SLC22A31: variants seen among roughly 807,000 people sequenced by gnomAD.
SLC22A31 encodes the protein solute carrier family 22 member 31.
Under a neutral mutation model 27.4 loss-of-function variants are expected in SLC22A31, and 42 were observed. The observed-to-expected ratio is 1.53, with a 90% CI of 1.20 to 1.98. The LOEUF is 1.98. Among genes scored for constraint, SLC22A31 ranks in the 30% most tolerant of loss-of-function variants. The pLI is 0.00. For synonymous variants in SLC22A31, 290 were observed against 230.8 expected (o/e 1.26, Z -2.33); for missense variants, 593 against 479.9 (o/e 1.24, Z -2.20).
Position 89,197,339 on chromosome 16 carries a change from G to A in SLC22A31, c.993C>T (p.Leu331=). The A allele has an allele frequency of 1.3e-6, 2 of 1,535,874 alleles. 1 individual carries two copies. The highest frequency in any genetic ancestry group is 2.4e-5 in the South Asian group (2 of 84,050). The part of the protein sequence containing the change: ...GLLASRAVSA[L]SSLFAAEVFP... ...AGACCTCGGCCGCGAAGAGGCTGCT[G>A]AGTGCGGACACAGCCCGGGAGGCCA... is the stretch of plus-strand genomic sequence containing the variant. Residue 331 remains leucine (L), a synonymous_variant, in exon 8 of 9, where the codon CTC becomes CTT. Coordinates refer to ENST00000682282, the MANE Select transcript of SLC22A31 (RefSeq NM_001384763.1).
chr16:89,197,486 G>C (rs1278287697), intron 7 of SLC22A31, 77 bp from the exon 8 acceptor site: 15 of 1,029,606 alleles, frequency 1.5e-5, no homozygotes, highest in African/African-American at 3.2e-5. Flanking sequence ...CTTCCCCAGA[G>C]AACCACACCA....
Position 89,198,563 on chromosome 16 carries a change from A to G in SLC22A31, c.599-13T>C, listed in dbSNP as rs1266200019. ...AGCATGGTCAGCTCTGTAGCCGCAG[A>G]GATGTGAGGGGAGGGGGGTGAGGAG... On this transcript the variant is annotated splice_polypyrimidine_tract_variant and intron_variant, in intron 5 of 8. Transcript: ENST00000682282. 2.0e-6 allele frequency: 3 copies of G among 1,509,600 alleles called. No homozygotes were observed. Among genetic ancestry groups the G allele is most frequent in the Non-Finnish European group, 8.9e-7 (1 of 1,129,756 alleles). The allele number at this position is 1,509,600 out of a possible 1,614,324, so 93.5% of individuals were successfully genotyped here. A position where few individuals can be genotyped will look rare whatever the true frequency, so the allele number is the denominator to read the frequency against.
At chr16:89,198,071 G>T (rs571124223) in intron 7 of SLC22A31, 51 bp downstream of exon 7, 2 of 1,519,842 alleles carry the variant, frequency 1.3e-6, no homozygotes, top group Admixed American at 2.0e-5. Flanking sequence ...GTGGCAGACC[G>T]TCGGCCCAAA....
At position 89,197,426 on chromosome 16, in the gene SLC22A31, G is replaced by A. The variant is rs755369995; in HGVS notation, c.923-17C>T. 9.2e-6 allele frequency: 14 copies of A among 1,521,342 alleles called. No individual in the cohort carries two copies. The East Asian group carries it at 2.9e-4, about 32-fold the overall frequency. 94.2% of individuals were successfully genotyped at this position (1,521,342 alleles called of 1,614,324 possible). A position where few individuals can be genotyped will look rare whatever the true frequency, so the allele number is the denominator to read the frequency against. On this transcript the variant is annotated splice_polypyrimidine_tract_variant and intron_variant, in intron 7 of 8. Coordinates refer to ENST00000682282, the MANE Select transcript of SLC22A31 (RefSeq NM_001384763.1). ...CTGGCAGATCTGGGGACAAAGAACA[G>A]GGGTTCCCAGGCTCTCTCCCCAGGC...
In SLC22A31 at chr16:89,198,987, G is replaced by C. The variant is rs927055201; in HGVS notation, c.452+36C>G. ...AGAGGGAAGCTACATAGTCAGCCCC[G>C]ATGAGGGCTGCTGGCCCAGCTCCCA... On this transcript the variant is annotated intron_variant, in intron 4 of 8. Coordinates refer to ENST00000682282, the MANE Select transcript of SLC22A31 (RefSeq NM_001384763.1). 5.2e-5 allele frequency: 79 copies of C among 1,527,674 alleles called. No homozygotes were observed. The African/African-American group carries it at 7.4e-4, about 14-fold the overall frequency. The allele number at this position is 1,527,674 out of a possible 1,614,324, so 94.6% of individuals were successfully genotyped here. A position where few individuals can be genotyped will look rare whatever the true frequency, so the allele number is the denominator to read the frequency against.
Position 89,199,167 on chromosome 16 carries a change from TG to T in SLC22A31, c.307del (p.His103ThrfsTer39). Reference protein sequence around the residue: ...LARLELCDPPHRLAFSMGAGL... With the variant: ...LARLELCDPPXRLAFSMGAGL... ...AGCCCCCATGGAGAAGGCCAGGCGG[TG>T]GGGAGGGTCACACAACTCCAGGCCT... On this transcript the variant is annotated frameshift_variant, in exon 4 of 9. Transcript: ENST00000682282. LOFTEE classifies it high-confidence loss of function. 1 of 1,525,332 alleles carries T rather than the reference TG, an allele frequency of 6.6e-7. No homozygotes were observed. The highest frequency in any genetic ancestry group is 8.7e-7 in the Non-Finnish European group (1 of 1,143,878). 94.5% of individuals were successfully genotyped at this position (1,525,332 alleles called of 1,614,324 possible).
chr16:89,196,239 G>GGTGT lies in SLC22A31; in HGVS notation c.1097_1100dup (p.Leu368HisfsTer31). 1.3e-6 allele frequency: 2 copies of GGTGT among 1,534,050 alleles called. No homozygotes were observed. The highest frequency in any genetic ancestry group is 1.7e-6 in the Non-Finnish European group (2 of 1,146,338). ...GGAAGAAGCCCTGCCGGCCGTGCAG[G>GGTGT]GTGTCCAGGGGGCCGGCTGCCTGGC... On this transcript the variant is annotated frameshift_variant, in exon 9 of 9. Transcript: ENST00000682282. LOFTEE classifies it low-confidence loss of function (END_TRUNC).
rs1289120822 is a variant in SLC22A31 at position 89,198,755 on chromosome 16, G to A, written c.495C>T (p.Ala165=). 2 of 1,535,140 alleles carry A rather than the reference G, an allele frequency of 1.3e-6. No individual in the cohort carries two copies. The highest frequency in any genetic ancestry group is 1.7e-6 in the Non-Finnish European group (2 of 1,146,250). The change falls in exon 5 of 9, where the codon GCC becomes GCT. Residue 165 remains alanine, a synonymous_variant. Coordinates refer to ENST00000682282, the MANE Select transcript of SLC22A31 (RefSeq NM_001384763.1). The part of the protein sequence containing the change: ...LFPESPCWLL[A]TGQVARARKI... ...TCCTGGCTCGAGCTACCTGACCTGT[G>A]GCCAGCAGCCAGCAGGGAGACTCGG...
At chr16:89,197,272 T>A in intron 8 of SLC22A31, 26 bp downstream of exon 8, 1 of 1,522,134 alleles carries the variant, frequency 6.6e-7, no homozygotes, top group South Asian at 1.2e-5. Context: ...GACCCTGCTG[T>A]GTGGCCGGGC....
At chr16:89,199,334 C>A in intron 3 of SLC22A31, 79 bp downstream of exon 3, 1 of 867,764 alleles carries the variant, frequency 1.2e-6, no homozygotes, top group Non-Finnish European at 1.7e-6. Flanking sequence ...CAGCTCGGGG[C>A]CCTCGGCAAG....
rs921203912 is a variant in SLC22A31 at position 89,199,562 on chromosome 16, C to T, written c.134G>A (p.Gly45Glu). 2.3e-6 allele frequency: 1 copy of T among 442,034 alleles called. No homozygotes were observed. Among genetic ancestry groups the T allele is most frequent in the Non-Finnish European group, 4.0e-6 (1 of 248,228 alleles). 27.4% of individuals were successfully genotyped at this position (442,034 alleles called of 1,614,324 possible). ...VILGAGCDRF[G>E]RRAVFVASLV... ...GGAGGCCACAAAAACTGCCCGGCGT[C>T]CAAACCTGGTGGGCAGCGGGGGACA... Residue 45 changes from glycine (G) to glutamate (E), a missense_variant, in exon 3 of 9, where the codon GGA (glycine) becomes GAA (glutamate). Physicochemically the swap from Gly to Glu is moderately conservative, Grantham distance 98. Coordinates refer to ENST00000682282, the MANE Select transcript of SLC22A31 (RefSeq NM_001384763.1).
upstream of SLC22A31, among the ~76,000 whole-genome samples, chr16:89,200,688 C>A (rs74899331): frequency 0.11 from 17,106 of 152,156 alleles, 1,243 homozygotes; most frequent in East Asian, 0.35. Flanking sequence ...GTAAAGGCTG[C>A]CTCAGGGGTG....
chr16:89,197,937 T>C (rs1460989335), intron 7 of SLC22A31, among the ~76,000 whole-genome samples, 185 bp downstream of exon 7: 1 of 152,224 alleles, frequency 6.6e-6, no homozygotes, highest in Non-Finnish European at 1.5e-5. Flanking sequence ...GACAGTTTCC[T>C]TACTTTAGGC....
rs146834613 is a variant in SLC22A31 at position 89,197,036 on chromosome 16, C to G, written c.1034+262G>C. 4.0e-4 allele frequency among the ~76,000 whole-genome samples: 61 copies of G among 152,266 alleles called. No individual in the cohort carries two copies. The South Asian group carries it at 4.8e-3, about 12-fold the overall frequency. On this transcript the variant is annotated intron_variant, in intron 8 of 8. Coordinates refer to ENST00000682282, the MANE Select transcript of SLC22A31 (RefSeq NM_001384763.1). The stretch of plus-strand genomic sequence containing the variant: ...CTGGAGGCCTCCTCATCTCTGCCCC[C>G]ACCCCGCACTCCTGGCTTCAGGCCT...
At position 89,196,087 on chromosome 16, in the gene SLC22A31, A is replaced by T; in HGVS notation, c.1253T>A (p.Leu418His). 6.5e-7 allele frequency: 1 copy of T among 1,532,726 alleles called. No homozygotes were observed. Among genetic ancestry groups the T allele is most frequent in the Non-Finnish European group, 8.7e-7 (1 of 1,145,932 alleles). The allele number at this position is 1,532,726 out of a possible 1,614,324, so 94.9% of individuals were successfully genotyped here. A position where few individuals can be genotyped will look rare whatever the true frequency, so the allele number is the denominator to read the frequency against. Residue 418 changes from leucine to histidine, a missense_variant, in exon 9 of 9, where the codon CTC (leucine) becomes CAC (histidine). By Grantham distance (99) the Leu-to-His change is moderately conservative. Transcript: ENST00000682282. ...GTCCTGGCGGGGGCGGCCCCGCAGG[A>T]GTGGGGAGCGGCGCAGGCGGTCGGC... is the stretch of plus-strand genomic sequence containing the variant. Reference protein sequence around the residue: ...QDADRLRRSPLLRGRPRQDHL... With the variant: ...QDADRLRRSPHLRGRPRQDHL...
intron 7 of SLC22A31, 75 bp from the exon 8 acceptor site, chr16:89,197,484 G>A (rs961844757): frequency 2.8e-6 from 3 of 1,065,628 alleles, no homozygotes; most frequent in Admixed American, 4.4e-5. Context: ...CCCTTCCCCA[G>A]AGAACCACAC....
chr16:89,201,465 G>A (rs1916610898), upstream of SLC22A31: 1 of 392,816 alleles, frequency 2.5e-6, no homozygotes, highest in South Asian at 1.3e-4. Context: ...CAGCAGCGCG[G>A]GTCCGCGCAG....
upstream of SLC22A31, among the ~76,000 whole-genome samples, chr16:89,200,720 G>C (rs1169075817): frequency 1.3e-5 from 2 of 151,464 alleles, no homozygotes; most frequent in South Asian, 2.1e-4. Context: ...GCCCCAGCGC[G>C]GAAAGGCATG....
chr16:89,201,665 C>G (rs926839615), upstream of SLC22A31: 15 of 395,338 alleles, frequency 3.8e-5, no homozygotes, highest in Non-Finnish European at 4.9e-5. Context: ...CCTGCTCCAT[C>G]GGTCGCAGGC....
Sources: allele counts gnomAD v4.1 joint callset (sites outside exome capture counted in the v4.1 genomes callset), GRCh38; gene constraint gnomAD v4.1.1; transcripts MANE v1.5; gene names NCBI Gene and HGNC (gene_info 2026-07-23, HGNC 2026-07-21).